GSN: variants seen among roughly 807,000 people sequenced by gnomAD.
The protein encoded by GSN is actin-depolymerizing factor.
Under a neutral mutation model 85.7 loss-of-function variants are expected in GSN, and 56 were observed. That is an observed-to-expected ratio of 0.65 (90% CI 0.53 to 0.82). GSN has a LOEUF of 0.82. Ranked by LOEUF, GSN falls within the 40% of genes least tolerant of loss-of-function variation. The pLI, the probability that GSN is intolerant of heterozygous loss-of-function variation, is 0.00. For synonymous variants in GSN, 373 were observed against 399.1 expected (o/e 0.93, Z 0.78); for missense variants, 857 against 979.8 (o/e 0.87, Z 1.67).
Position 121,300,182 on chromosome 9 carries a change from C to T in GSN, c.-9-1781C>T, listed in dbSNP as rs2059677088. On this transcript the variant is annotated intron_variant, in intron 2 of 17. Transcript: ENST00000432226. ...GGCTCGCAGACGAGGGTGGGAGCCT[C>T]GGGGCCCTGGCTGTTCCTTCCCAGG... 6 of 1,260,122 alleles carry T rather than the reference C, an allele frequency of 4.8e-6. 1 individual carries two copies. The highest frequency in any genetic ancestry group is 3.6e-5 in the South Asian group (3 of 84,056). 78.1% of individuals were successfully genotyped at this position (1,260,122 alleles called of 1,614,324 possible).
rs895358104 is a variant in GSN at position 121,327,496 on chromosome 9, TG to T, written c.1762+20del. ...GCAGCGAGCCAGGTAGGAGCCGGGG[TG>T]GGGGGCCTGCTGCTGTCCGGATGCA... is the stretch of plus-strand genomic sequence containing the variant. On this transcript the variant is annotated intron_variant, in intron 14 of 17. Transcript: ENST00000432226. The T allele has an allele frequency of 2.6e-5, 41 of 1,550,266 alleles. No individual in the cohort carries two copies. The Admixed American group carries it at 4.5e-4, about 17-fold the overall frequency.
Position 121,332,489 on chromosome 9 carries a change from C to T in GSN, c.2082C>T (p.Thr694=), listed in dbSNP as rs368986042. 79 of 1,614,014 alleles carry T rather than the reference C, an allele frequency of 4.9e-5. No individual in the cohort carries two copies. Among genetic ancestry groups the T allele is most frequent in the East Asian group, 2.7e-4 (12 of 44,874 alleles). Residue 694 remains threonine (T), a synonymous_variant, in exon 18 of 18, where the codon ACC becomes ACT. Coordinates refer to ENST00000432226, the MANE Select transcript of GSN (RefSeq NM_198252.3). This position sits in a 1 kb window ranked among gnomAD's most constrained non-coding sequence, Gnocchi z 4.8. ...PANRDRRTPI[T]VVKQGFEPPS... is the part of the protein sequence containing the mutation. ...ATCGGGATCGGCGGACGCCCATCAC[C>T]GTGGTGAAGCAAGGCTTTGAGCCTC...
In GSN at chr9:121,299,920, C is replaced by T. The variant is rs1202263036; in HGVS notation, c.-9-2043C>T. 3 of 1,261,828 alleles carry T rather than the reference C, an allele frequency of 2.4e-6. No individual in the cohort carries two copies. Among genetic ancestry groups the T allele is most frequent in the African/African-American group, 3.1e-5 (2 of 63,778 alleles). The allele number at this position is 1,261,828 out of a possible 1,614,324, so 78.2% of individuals were successfully genotyped here. A position where few individuals can be genotyped will look rare whatever the true frequency, so the allele number is the denominator to read the frequency against. On this transcript the variant is annotated intron_variant, in intron 2 of 17. Transcript: ENST00000432226. The surrounding 1 kb of genome is among the most constrained non-coding windows in gnomAD (Gnocchi z 4.2). ...TGCGCGCTGTCCCTGGCGCTGTGCGCGCTGTCGCTGCCCGTCCGCGCGGCC... is the reference window on the plus strand; with the variant it reads ...TGCGCGCTGTCCCTGGCGCTGTGCGTGCTGTCGCTGCCCGTCCGCGCGGCC...
chr9:121,331,485 C>T (rs767076980), intron 17 of GSN, 37 bp downstream of exon 17: 3 of 1,297,258 alleles, frequency 2.3e-6, no homozygotes, highest in Non-Finnish European at 3.3e-6. Context: ...GGGGAGGGGT[C>T]CGTTGCTTGT....
intron 3 of GSN, 79 bp from the exon 4 acceptor site, chr9:121,302,832 T>C: frequency 7.0e-7 from 1 of 1,437,880 alleles, no homozygotes; most frequent in African/African-American, 1.4e-5. Flanking sequence ...AGTGCTGGGG[T>C]TCCTCCTCCA....
chr9:121,206,207 A>G (rs768942692), upstream of GSN, among the ~76,000 whole-genome samples: 23 of 152,226 alleles, frequency 1.5e-4, no homozygotes, highest in Non-Finnish European at 2.9e-4. Context: ...CCAGTGATAC[A>G]TAATTTAATT....
chr9:121,227,008 A>G (rs1057097649), intron 4 of GSN, among the ~76,000 whole-genome samples: 1 of 152,168 alleles, frequency 6.6e-6, no homozygotes. Flanking sequence ...CTCTATGGGG[A>G]CAGAAGCTCC....
chr9:121,239,784 AGTCCC>A (rs2132190497), intron 5 of GSN: 1 of 259,238 alleles, frequency 3.9e-6, no homozygotes, highest in African/African-American at 2.3e-5. Context: ...GAATATCCCC[AGTCCC>A]TTGAAATACC....
chr9:121,203,824 T>A (rs2053841964), upstream of GSN, among the ~76,000 whole-genome samples: 1 of 152,242 alleles, frequency 6.6e-6, no homozygotes, highest in Admixed American at 6.5e-5. Context: ...ATGCAAAATA[T>A]CTGGTATATA....
intron 6 of GSN, among the ~76,000 whole-genome samples, chr9:121,249,213 C>A (rs939363559): frequency 6.6e-6 from 1 of 152,068 alleles, no homozygotes; most frequent in African/African-American, 2.4e-5. Context: ...AATCCCAGCA[C>A]TCTGGGAGGG....
At chr9:121,235,375 C>T (rs934891294) in intron 5 of GSN, among the ~76,000 whole-genome samples, 1 of 152,202 alleles carries the variant, frequency 6.6e-6, no homozygotes, top group East Asian at 1.9e-4. Context: ...TTAGCTTCAG[C>T]TTGTCCAAAG....
At chr9:121,241,407 C>T (rs1218937428) in intron 5 of GSN, among the ~76,000 whole-genome samples, 1 of 152,054 alleles carries the variant, frequency 6.6e-6, no homozygotes, top group Non-Finnish European at 1.5e-5. Context: ...AGGAAGAGTC[C>T]CTGTCCGTGG....
intron 4 of GSN, among the ~76,000 whole-genome samples, chr9:121,304,909 G>C (rs2060245040): frequency 1.3e-5 from 2 of 152,174 alleles, no homozygotes. Context: ...AGACTGGCAG[G>C]CTCACGAAGA....
Position 121,261,279 on chromosome 9 carries a change from G to T in GSN, c.-340-3875G>T, listed in dbSNP as rs113375075. Reference sequence around the variant, plus strand: ...TCCTGCTAAATCCCTGGCAGGCATGGGCTGTTAGGGCTGTGGGCCCCTGTG... The same window carrying T: ...TCCTGCTAAATCCCTGGCAGGCATGTGCTGTTAGGGCTGTGGGCCCCTGTG... On this transcript the variant is annotated intron_variant, in intron 6 of 24. Transcript: ENST00000373823. This position sits in a 1 kb window ranked among gnomAD's most constrained non-coding sequence, Gnocchi z 4.1. Among the ~76,000 whole-genome samples the T allele has an allele frequency of 6.6e-5, 10 of 152,242 alleles. No homozygotes were observed. Among genetic ancestry groups the T allele is most frequent in the African/African-American group, 2.4e-4 (10 of 41,464 alleles).
intron 4 of GSN, among the ~76,000 whole-genome samples, chr9:121,211,630 G>A (rs1353002071): frequency 6.6e-6 from 1 of 152,192 alleles, no homozygotes; most frequent in Non-Finnish European, 1.5e-5. Context: ...GAAACCAGCG[G>A]TGTGACCTTG....
chr9:121,296,388 G>A (rs1431942659), intron 2 of GSN, among the ~76,000 whole-genome samples: 1 of 152,188 alleles, frequency 6.6e-6, no homozygotes, highest in Admixed American at 6.5e-5. Flanking sequence ...CAAGTCAGGG[G>A]CTGTGGACTG....
intron 4 of GSN, among the ~76,000 whole-genome samples, chr9:121,215,345 T>A (rs910708176): frequency 1.2e-4 from 19 of 152,168 alleles, no homozygotes; most frequent in Admixed American, 7.2e-4. Flanking sequence ...CATTTTTTTT[T>A]CTTTTTGTGG....
In GSN at chr9:121,329,081, G is replaced by A; in HGVS notation, c.1887+66G>A. 6.3e-7 allele frequency: 1 copy of A among 1,589,428 alleles called. No individual in the cohort carries two copies. The highest frequency in any genetic ancestry group is 8.6e-7 in the Non-Finnish European group (1 of 1,164,874). On this transcript the variant is annotated intron_variant, in intron 15 of 17. Coordinates refer to ENST00000432226, the MANE Select transcript of GSN (RefSeq NM_198252.3). This position sits in a 1 kb window ranked among gnomAD's most constrained non-coding sequence, Gnocchi z 4.6. ...GAGGCGAGTTCCACAGGACTGGCCGGCAGCAGGGGCAGGAGAAACAGTTCT... is the reference window on the plus strand; with the variant it reads ...GAGGCGAGTTCCACAGGACTGGCCGACAGCAGGGGCAGGAGAAACAGTTCT...
rs755711741 is a variant in GSN at position 121,318,619 on chromosome 9, G to A, written c.976-46G>A. On this transcript the variant is annotated intron_variant, in intron 9 of 17. Coordinates refer to ENST00000432226, the MANE Select transcript of GSN (RefSeq NM_198252.3). The surrounding 1 kb of genome is among the most constrained non-coding windows in gnomAD (Gnocchi z 4.3). ...ATCTGAGGCTCCCCTGGGGACCCCT[G>A]CTGGGCAGCCCAGCCACATCCTGCT... The A allele has an allele frequency of 3.3e-6, 5 of 1,538,128 alleles. No homozygotes were observed. The South Asian group carries it at 4.5e-5, about 14-fold the overall frequency.
Sources: gnomAD v4.1 joint callset for allele counts (sites outside exome capture counted in the v4.1 genomes callset) on GRCh38, gnomAD v4.1.1 for gene constraint, Gnocchi (gnomAD v3.1) non-coding constraint, MANE v1.5 for transcripts, NCBI Gene and HGNC (gene_info 2026-07-23, HGNC 2026-07-21) for gene names.